Variants in GLE1 observed in about 807,000 individuals in gnomAD.
The protein encoded by GLE1 is mRNA export factor GLE1.
In GLE1, 78 loss-of-function variants were observed where a neutral mutation model predicts 97.3. That is an observed-to-expected ratio of 0.80 (90% CI 0.67 to 0.97). The LOEUF (loss-of-function observed/expected upper bound fraction) is 0.97. GLE1 is among the 50% of genes least tolerant of loss of function. The pLI is 0.00. For missense variants in GLE1, 753 were observed against 857.5 expected (o/e 0.88, Z 1.52); for synonymous variants, 302 against 313.4 (o/e 0.96, Z 0.39).
In GLE1 at chr9:128,533,463, AAG is replaced by A. The variant is rs756296412; in HGVS notation, c.1313-46_1313-45del. The A allele has an allele frequency of 6.4e-6, 9 of 1,405,874 alleles. No homozygotes were observed. In the Admixed American group the frequency reaches 9.6e-5, roughly 15 times the overall value. 87.1% of individuals were successfully genotyped at this position (1,405,874 alleles called of 1,614,324 possible). On this transcript the variant is annotated intron_variant, in intron 9 of 15. Coordinates refer to ENST00000309971, the MANE Select transcript of GLE1 (RefSeq NM_001003722.2). ...AAAAAAAAAAAAAAAGGAAAAGAAAAAGAGATTGATCTGTGGTTATATCTTTT... is the reference window on the plus strand; with the variant it reads ...AAAAAAAAAAAAAAAGGAAAAGAAAAAGATTGATCTGTGGTTATATCTTTT...
chr9:128,521,370 T>TA (rs938831551), intron 3 of GLE1, among the ~76,000 whole-genome samples: 4 of 151,808 alleles, frequency 2.6e-5, no homozygotes, highest in African/African-American at 9.7e-5. Context: ...CCTGACTCTA[T>TA]AAAAAATTTA....
intron 11 of GLE1, among the ~76,000 whole-genome samples, chr9:128,535,631 G>T (rs1847682153): frequency 6.6e-6 from 1 of 151,888 alleles, no homozygotes; most frequent in Non-Finnish European, 1.5e-5. Flanking sequence ...GACCAGCCTG[G>T]CCAACATGGT....
At chr9:128,520,164 C>T (rs892224536) in intron 3 of GLE1, among the ~76,000 whole-genome samples, 4 of 151,876 alleles carry the variant, frequency 2.6e-5, no homozygotes, top group Admixed American at 6.6e-5. Context: ...GCAGGAGAAT[C>T]GCTTGAACCT....
At chr9:128,520,673 G>A (rs1003597400) in intron 3 of GLE1, among the ~76,000 whole-genome samples, 4 of 151,352 alleles carry the variant, frequency 2.6e-5, no homozygotes, top group African/African-American at 9.7e-5. Flanking sequence ...GTGAGGCATC[G>A]TCTGCTTCTC....
rs1335460402 is a variant in GLE1 at position 128,515,633 on chromosome 9, A to T, written c.426A>T (p.Lys142Asn). The T allele has an allele frequency of 6.5e-7, 1 of 1,544,200 alleles. No individual in the cohort carries two copies. The highest frequency in any genetic ancestry group is 9.0e-7 in the Non-Finnish European group (1 of 1,116,430). ...TGTACGAACTGGTACACAGAATGAA[A>T]GGAACAGTAAGTGAACCCATGAAGG... ...VRMYELVHRM[K>N]GTEGLRLWQE... The change falls in exon 3 of 16, where the codon AAA (lysine) becomes AAT (asparagine). Residue 142 changes from lysine (K) to asparagine (N), a missense_variant. Coordinates refer to ENST00000309971, the MANE Select transcript of GLE1 (RefSeq NM_001003722.2).
In GLE1 at chr9:128,525,177, C is replaced by T. The variant is rs1443545179; in HGVS notation, c.898-15C>T. ...AGGGAATGACCACTAAGCACCATCT[C>T]CGTCACTCTGACAGAGCAGCTATCC... is the stretch of plus-strand genomic sequence containing the variant. On this transcript the variant is annotated splice_polypyrimidine_tract_variant and intron_variant, in intron 6 of 15. Coordinates refer to ENST00000309971, the MANE Select transcript of GLE1 (RefSeq NM_001003722.2). The T allele has an allele frequency of 1.2e-6, 2 of 1,600,816 alleles. No individual in the cohort carries two copies. The highest frequency in any genetic ancestry group is 2.7e-5 in the African/African-American group (2 of 74,600).
chr9:128,523,754 A>G lies in GLE1; in HGVS notation c.805A>G (p.Lys269Glu). The G allele has an allele frequency of 6.2e-7, 1 of 1,614,062 alleles. No individual in the cohort carries two copies. The highest frequency in any genetic ancestry group is 1.1e-5 in the South Asian group (1 of 91,082). The change falls in exon 6 of 16, where the codon AAA becomes GAA. Residue 269 changes from lysine (K) to glutamate (E), a missense_variant. Physicochemically the swap from Lys to Glu is moderately conservative, Grantham distance 56 (BLOSUM62 1). Coordinates refer to ENST00000309971, the MANE Select transcript of GLE1 (RefSeq NM_001003722.2). Reference protein sequence around the residue: ...SQQLDASEQHKALLKVDLAAF... With the variant: ...SQQLDASEQHEALLKVDLAAF... The stretch of plus-strand genomic sequence containing the variant: ...GCAGCTGGATGCCTCTGAGCAGCAC[A>G]AAGCCCTGCTTAAGGTCGACCTGGC...
chr9:128,517,135 C>G (rs912047524), intron 3 of GLE1, among the ~76,000 whole-genome samples: 1 of 151,454 alleles, frequency 6.6e-6, no homozygotes, highest in African/African-American at 2.4e-5. Flanking sequence ...ACTAAAAATA[C>G]AAAAATTAGC....
intron 1 of GLE1, 85 bp downstream of exon 1, chr9:128,504,989 CG>C: frequency 1.2e-6 from 1 of 869,300 alleles, no homozygotes; most frequent in Middle Eastern, 2.7e-4. Context: ...GTTCTGCTCC[CG>C]GGAACCCGTG....
chr9:128,509,204 C>T (rs992872025), intron 2 of GLE1, 107 bp downstream of exon 2: 5 of 754,718 alleles, frequency 6.6e-6, no homozygotes, highest in Non-Finnish European at 1.2e-5. Context: ...AATGATTGCT[C>T]ATTGTTGTAG....
At chr9:128,527,595 A>T in intron 9 of GLE1, 70 bp downstream of exon 9, 1 of 920,948 alleles carries the variant, frequency 1.1e-6, no homozygotes, top group Non-Finnish European at 1.8e-6. Flanking sequence ...AAATCTATGT[A>T]TCTGTAAGGT....
chr9:128,508,243 G>GA (rs1222360451), intron 1 of GLE1, among the ~76,000 whole-genome samples: 2 of 146,194 alleles, frequency 1.4e-5, no homozygotes, highest in Non-Finnish European at 3.0e-5. Flanking sequence ...TATAAAAAAT[G>GA]AAAAAATAAT....
At chr9:128,540,473 T>TA (rs1847853635) in intron 15 of GLE1, 135 bp downstream of exon 15, 1 of 706,180 alleles carries the variant, frequency 1.4e-6, no homozygotes, top group African/African-American at 1.7e-5. Flanking sequence ...TTTTTGTTCC[T>TA]AATTCCCTCT....
At position 128,525,378 on chromosome 9, in the gene GLE1, G is replaced by A; in HGVS notation, c.1084G>A (p.Glu362Lys). 6.2e-7 allele frequency: 1 copy of A among 1,611,920 alleles called. No individual in the cohort carries two copies. The highest frequency in any genetic ancestry group is 8.5e-7 in the Non-Finnish European group (1 of 1,179,042). ...QMQQGPEAHK[E>K]PPAPSQGPGG... ...GCAGCAGGGACCAGAGGCCCACAAAGAGCCCCCAGCTCCCAGCCAGGGCCC... is the reference window on the plus strand; with the variant it reads ...GCAGCAGGGACCAGAGGCCCACAAAAAGCCCCCAGCTCCCAGCCAGGGCCC... Residue 362 changes from glutamate (E) to lysine (K), a missense_variant, in exon 7 of 16, where the codon GAG becomes AAG. By Grantham distance (56) the Glu-to-Lys change is moderately conservative (BLOSUM62 1). Coordinates refer to ENST00000309971, the MANE Select transcript of GLE1 (RefSeq NM_001003722.2).
At chr9:128,505,565 G>A (rs537392272) in intron 1 of GLE1, among the ~76,000 whole-genome samples, 1 of 152,272 alleles carries the variant, frequency 6.6e-6, no homozygotes, top group Non-Finnish European at 1.5e-5. Context: ...TAGGTTGACT[G>A]CCAGCATATG....
rs536170971 is a variant in GLE1, at chr9:128,517,200, G to C, written c.432+1561G>C. Among the ~76,000 whole-genome samples the C allele has an allele frequency of 5.3e-5, 8 of 151,972 alleles. No homozygotes were observed. In the East Asian group the frequency reaches 1.2e-3, roughly 22 times the overall value. On this transcript the variant is annotated intron_variant, in intron 3 of 15. Coordinates refer to ENST00000309971, the MANE Select transcript of GLE1 (RefSeq NM_001003722.2). ...AGTTACTGGGGAGGCTGAGGCAGGA[G>C]AATCACTTGAACCCGGGAGGCAGAG...
chr9:128,527,672 T>G (rs1356014243), intron 9 of GLE1, 147 bp downstream of exon 9: 5 of 696,648 alleles, frequency 7.2e-6, no homozygotes, highest in Non-Finnish European at 1.3e-5. Context: ...ACATACATCT[T>G]GTTTCCCTGA....
At chr9:128,504,990 G>A in intron 1 of GLE1, 86 bp downstream of exon 1, 3 of 855,978 alleles carry the variant, frequency 3.5e-6, no homozygotes, top group South Asian at 1.3e-5. Context: ...TTCTGCTCCC[G>A]GGAACCCGTG....
intron 4 of GLE1, 61 bp from the exon 5 acceptor site, chr9:128,523,219 A>G: frequency 1.6e-6 from 2 of 1,251,430 alleles, no homozygotes; most frequent in Middle Eastern, 3.7e-4. Flanking sequence ...GAGAAAAGAA[A>G]GAAAGAAAAA....
Sources: gnomAD v4.1 joint callset for allele counts (sites outside exome capture counted in the v4.1 genomes callset) on GRCh38, gnomAD v4.1.1 for gene constraint, MANE v1.5 for transcripts, NCBI Gene and HGNC (gene_info 2026-07-23, HGNC 2026-07-21) for gene names.